Variants in RBFOX1 observed in about 807,000 individuals in gnomAD.
RBFOX1 encodes RNA binding fox-1 homolog 1.
RBFOX1 carries 8 observed loss-of-function variants against 57.7 expected under a neutral mutation model. The observed-to-expected ratio is 0.14, with a 90% CI of 0.08 to 0.25. The LOEUF is 0.25. RBFOX1 is among the 10% of genes least tolerant of loss of function. The pLI is 1.00. For missense variants in RBFOX1, 611 were observed against 548.5 expected (o/e 1.11, Z -1.14); for synonymous variants, 326 against 222.4 (o/e 1.47, Z -4.15).
chr16:7,383,354 G>A (rs907550308), intron 4 of RBFOX1, among the ~76,000 whole-genome samples: 1 of 151,846 alleles, frequency 6.6e-6, no homozygotes, highest in Admixed American at 6.6e-5. Flanking sequence ...AGGCTCCCCA[G>A]TGGAGGCAAA....
At chr16:7,698,302 C>T (rs945618378) in intron 14 of RBFOX1, among the ~76,000 whole-genome samples, 1 of 151,850 alleles carries the variant, frequency 6.6e-6, no homozygotes, top group Admixed American at 6.6e-5. Flanking sequence ...ATTCCCTTAG[C>T]AAATCTGGGG....
intron 4 of RBFOX1, among the ~76,000 whole-genome samples, chr16:7,255,793 AT>A (rs1009875520): frequency 1.2e-4 from 18 of 152,256 alleles, no homozygotes; most frequent in Non-Finnish European, 7.4e-5. Context: ...TATATTTTAC[AT>A]TTTTTTGTGC....
intron 1 of RBFOX1, among the ~76,000 whole-genome samples, chr16:5,378,132 G>C (rs1175556479): frequency 4.0e-5 from 6 of 151,612 alleles, no homozygotes; most frequent in Non-Finnish European, 7.3e-5. Flanking sequence ...AGTAGACAGA[G>C]ATATGGAGCC....
intron 11 of RBFOX1, among the ~76,000 whole-genome samples, chr16:7,641,036 T>A (rs1030231780): frequency 6.6e-6 from 1 of 152,080 alleles, no homozygotes; most frequent in Non-Finnish European, 1.5e-5. Context: ...AGGTGCACAT[T>A]CCCAAGGGCC....
At chr16:7,687,100 T>C (rs1180612554) in intron 14 of RBFOX1, among the ~76,000 whole-genome samples, 2 of 152,210 alleles carry the variant, frequency 1.3e-5, no homozygotes, top group East Asian at 3.9e-4. Flanking sequence ...TGTAGGACCT[T>C]TGAGAGCTTT....
At chr16:7,154,589 G>A (rs1003328150) in intron 4 of RBFOX1, among the ~76,000 whole-genome samples, 2 of 152,058 alleles carry the variant, frequency 1.3e-5, no homozygotes, top group African/African-American at 2.4e-5. Flanking sequence ...TAAACTTGAA[G>A]GCATTTAGAA....
At chr16:7,676,563 C>T (rs2073337774) in intron 13 of RBFOX1, among the ~76,000 whole-genome samples, 2 of 152,170 alleles carry the variant, frequency 1.3e-5, no homozygotes, top group South Asian at 4.1e-4. Context: ...GTGCTTATGA[C>T]CGCTAACCTT....
intron 1 of RBFOX1, among the ~76,000 whole-genome samples, chr16:5,257,665 A>G (rs2062622501): frequency 6.6e-6 from 1 of 152,138 alleles, no homozygotes; most frequent in African/African-American, 2.4e-5. Flanking sequence ...GGCATGACTC[A>G]TCTTCCATTC....
intron 3 of RBFOX1, among the ~76,000 whole-genome samples, chr16:7,002,028 A>G (rs1268471770): frequency 1.3e-5 from 2 of 151,936 alleles, no homozygotes; most frequent in African/African-American, 4.8e-5. Flanking sequence ...TAGTTGATTC[A>G]GGGATGGGCA....
At chr16:6,141,652 A>G (rs1043582241) in intron 1 of RBFOX1, among the ~76,000 whole-genome samples, 3 of 152,186 alleles carry the variant, frequency 2.0e-5, no homozygotes, top group Non-Finnish European at 4.4e-5. Context: ...TCCAAATTCC[A>G]AAATATTCTT....
intron 3 of RBFOX1, among the ~76,000 whole-genome samples, chr16:5,750,075 C>A (rs1376964085): frequency 6.6e-6 from 1 of 152,158 alleles, no homozygotes; most frequent in African/African-American, 2.4e-5. Flanking sequence ...TGTTAGTTTT[C>A]CTTCTAACAG....
At position 6,588,760 on chromosome 16, in the gene RBFOX1, CA is replaced by C. The variant is rs372548905; in HGVS notation, c.-63-65842del. Among the ~76,000 whole-genome samples the C allele has an allele frequency of 1.4e-3, 220 of 152,256 alleles. 1 individual carries two copies. The highest frequency in any genetic ancestry group is 5.0e-3 in the African/African-American group (209 of 41,560). On this transcript the variant is annotated intron_variant, in intron 2 of 15. Coordinates refer to ENST00000550418, the MANE Select transcript of RBFOX1 (RefSeq NM_018723.4). ...ATTTTCTTGTAGAACATCTGAAAAT[CA>C]GGACTTACTTGATTATTTCCCTGTC...
chr16:5,388,946 CT>C (rs1267316188), intron 1 of RBFOX1, among the ~76,000 whole-genome samples: 5 of 150,942 alleles, frequency 3.3e-5, no homozygotes, highest in Non-Finnish European at 5.9e-5. Context: ...AATCCCAGCA[CT>C]TTGGGAGGCC....
chr16:7,607,548 C>A (rs763306485), intron 10 of RBFOX1, among the ~76,000 whole-genome samples: 1 of 152,094 alleles, frequency 6.6e-6, no homozygotes, highest in African/African-American at 2.4e-5. Flanking sequence ...GGGGGATCAG[C>A]GTGGAGCCAC....
At chr16:7,454,684 A>C (rs556849562) in intron 4 of RBFOX1, among the ~76,000 whole-genome samples, 1 of 152,156 alleles carries the variant, frequency 6.6e-6, no homozygotes, top group African/African-American at 2.4e-5. Flanking sequence ...GAGAAGGAAT[A>C]TGGTGGAGGA....
chr16:6,298,392 C>T (rs2078390434), intron 1 of RBFOX1, among the ~76,000 whole-genome samples: 1 of 152,198 alleles, frequency 6.6e-6, no homozygotes, highest in Non-Finnish European at 1.5e-5. Context: ...CCAAGTATAT[C>T]CCATTGTTAT....
intron 3 of RBFOX1, among the ~76,000 whole-genome samples, chr16:6,946,358 C>A (rs2079519694): frequency 6.6e-6 from 1 of 152,162 alleles, no homozygotes; most frequent in African/African-American, 2.4e-5. Context: ...GCCAGCTGGC[C>A]CTGTACTGGG....
intron 1 of RBFOX1, among the ~76,000 whole-genome samples, chr16:5,364,450 C>G (rs2065647488): frequency 1.3e-5 from 2 of 152,176 alleles, no homozygotes; most frequent in African/African-American, 4.8e-5. Context: ...TTACAGGCTG[C>G]CAATGGCAAG....
intron 1 of RBFOX1, among the ~76,000 whole-genome samples, chr16:6,061,299 T>C (rs1357186573): frequency 6.6e-6 from 1 of 152,168 alleles, no homozygotes; most frequent in Non-Finnish European, 1.5e-5. Context: ...ATAATAAGCA[T>C]GTTCATCACT....
Sources: allele counts gnomAD v4.1 joint callset (sites outside exome capture counted in the v4.1 genomes callset), GRCh38; gene constraint gnomAD v4.1.1; transcripts MANE v1.5; gene names NCBI Gene and HGNC (gene_info 2026-07-23, HGNC 2026-07-21).